The following ITGA7 variants were observed in gnomAD, a reference collection of about 807,000 sequenced individuals.
ITGA7 encodes the protein integrin subunit alpha 7, also known as integrin alpha-7.
In ITGA7, 84 loss-of-function variants were observed where a neutral mutation model predicts 131.6. The observed-to-expected ratio is 0.64, with a 90% CI of 0.54 to 0.77. The LOEUF (loss-of-function observed/expected upper bound fraction) is 0.77, where lower values mean the gene tolerates loss of function less well. ITGA7 is among the 30% of genes least tolerant of loss of function. ITGA7 has a pLI of 0.00. For synonymous variants in ITGA7, 548 were observed against 600.7 expected (o/e 0.91, Z 1.28); for missense variants, 1,399 against 1,482.9 (o/e 0.94, Z 0.93).
chr12:55,697,739 AG>A lies in ITGA7; in HGVS notation c.1364del (p.Pro455LeufsTer51). ...CAGCCAGGGAGCCCACCAGCAGGTC[AG>A]GGTATTGGTTCCCATCCATATCCAA... is the stretch of plus-strand genomic sequence containing the variant. The part of the protein sequence containing the change: ...GSLDMDGNQY[P>X]DLLVGSLADT... On this transcript the variant is annotated frameshift_variant, in exon 9 of 25. Coordinates refer to ENST00000257879, the MANE Select transcript of ITGA7 (RefSeq NM_002206.3). LOFTEE classifies it high-confidence loss of function. 6.2e-7 allele frequency: 1 copy of A among 1,614,162 alleles called. No homozygotes were observed. The highest frequency in any genetic ancestry group is 8.5e-7 in the Non-Finnish European group (1 of 1,180,030).
At chr12:55,686,815 G>C (rs1050516042) in intron 24 of ITGA7, among the ~76,000 whole-genome samples, 1 of 152,200 alleles carries the variant, frequency 6.6e-6, no homozygotes, top group African/African-American at 2.4e-5. Flanking sequence ...TCCGCCATGA[G>C]GGCAGTCCCC....
intron 3 of ITGA7, 36 bp downstream of exon 3, chr12:55,702,836 C>T (rs750768329): frequency 1.3e-6 from 2 of 1,560,084 alleles, no homozygotes; most frequent in South Asian, 2.2e-5. Flanking sequence ...CACACACACC[C>T]CATCCGTGCA....
At position 55,694,682 on chromosome 12, in the gene ITGA7, C is replaced by CA. The variant is rs757677535; in HGVS notation, c.2209dup (p.Cys737LeufsTer5). The CA allele has an allele frequency of 6.2e-7, 1 of 1,614,024 alleles. No individual in the cohort carries two copies. Among genetic ancestry groups the CA allele is most frequent in the African/African-American group, 1.3e-5 (1 of 74,894 alleles). On this transcript the variant is annotated frameshift_variant, in exon 16 of 25. Coordinates refer to ENST00000257879, the MANE Select transcript of ITGA7 (RefSeq NM_002206.3). LOFTEE classifies it high-confidence loss of function. The surrounding 1 kb of genome is among the most constrained non-coding windows in gnomAD (Gnocchi z 5.3). ...ATGGGAGGCATTCTCATTGGACAGG[C>CA]AGAGTGGCTTCTCCTGGAATGGGAG... is the stretch of plus-strand genomic sequence containing the variant.
At position 55,697,025 on chromosome 12, in the gene ITGA7, C is replaced by G; in HGVS notation, c.1611G>C (p.Arg537=). 1 of 1,614,028 alleles carries G rather than the reference C, an allele frequency of 6.2e-7. No homozygotes were observed. Among genetic ancestry groups the G allele is most frequent in the Non-Finnish European group, 8.5e-7 (1 of 1,180,006 alleles). Residue 537 remains arginine, a synonymous_variant, in exon 12 of 25, where the codon CGG becomes CGC. Coordinates refer to ENST00000257879, the MANE Select transcript of ITGA7 (RefSeq NM_002206.3). ...GGAACGTCACACGGGGAACCTGGCC[C>G]CGGAGCCTCCGGTCTGTGTCCGCAT... ...VLDADTDRRL[R]GQVPRVTFLS... is the part of the protein sequence containing the mutation.
Position 55,699,950 on chromosome 12 carries a change from T to G in ITGA7, c.710A>C (p.Asp237Ala), listed in dbSNP as rs908930321. ...GTCCAAAGTTTTATACACCAGCTGG[T>G]CGGGGTCTGAGCTATCAATGTTGGT... ...FVTNIDSSDP[D>A]QLVYKTLDPA... The change falls in exon 5 of 25, where the codon GAC (aspartate) becomes GCC (alanine). Residue 237 changes from aspartate (D) to alanine (A), a missense_variant. Physicochemically the swap from Asp to Ala is moderately radical, Grantham distance 126. Transcript: ENST00000257879. 3 of 1,613,960 alleles carry G rather than the reference T, an allele frequency of 1.9e-6. No individual in the cohort carries two copies. In the East Asian group the frequency reaches 6.7e-5, roughly 36 times the overall value.
chr12:55,712,522 A>G, upstream of ITGA7: 1 of 542,622 alleles, frequency 1.8e-6, no homozygotes, highest in Middle Eastern at 4.7e-4. Context: ...AGAGACCTCA[A>G]AAGAAGAGGG....
Position 55,693,197 on chromosome 12 carries a change from C to A in ITGA7, c.2656G>T (p.Gly886Trp). ...AGCCCTTTCTGCCCAGGCCCCTGCC[C>A]GCCCTCCAGCTCAACCTGCATTGGG... ...LYPMQVELEGGQGPGQKGLCS... is the reference protein window; with the variant it reads ...LYPMQVELEGWQGPGQKGLCS... Residue 886 changes from glycine (G) to tryptophan (W), a missense_variant, in exon 20 of 25, where the codon GGG becomes TGG. By Grantham distance (184) the Gly-to-Trp change is radical. Coordinates refer to ENST00000257879, the MANE Select transcript of ITGA7 (RefSeq NM_002206.3). 6.2e-7 allele frequency: 1 copy of A among 1,614,062 alleles called. No homozygotes were observed. Among genetic ancestry groups the A allele is most frequent in the Non-Finnish European group, 8.5e-7 (1 of 1,180,012 alleles).
At chr12:55,709,752 C>T (rs963549969), upstream of ITGA7, among the ~76,000 whole-genome samples, 4 of 151,052 alleles carry the variant, frequency 2.6e-5, no homozygotes, top group African/African-American at 9.8e-5. Context: ...GCAGCTTCTG[C>T]CTGTCTCCAT....
chr12:55,694,168 G>A lies in ITGA7; in HGVS notation c.2433-45C>T. On this transcript the variant is annotated intron_variant, in intron 18 of 24. Coordinates refer to ENST00000257879, the MANE Select transcript of ITGA7 (RefSeq NM_002206.3). This position sits in a 1 kb window ranked among gnomAD's most constrained non-coding sequence, Gnocchi z 5.3. ...ACAGGGGTGAGAAGGTCTGGGGCCT[G>A]GCTCAATGAAGGCAGGGCCCTGGCC... 1.9e-6 allele frequency: 3 copies of A among 1,610,162 alleles called. No individual in the cohort carries two copies. The highest frequency in any genetic ancestry group is 2.6e-6 in the Non-Finnish European group (3 of 1,176,322).
In ITGA7 at chr12:55,694,859, C is replaced by A. The variant is rs1305253298; in HGVS notation, c.2115G>T (p.Gly705=). ...PSDPAQPQAD[G]DDAHEAQLLV... ...GGAGCTGGGCTTCATGGGCATCATC[C>A]CCATCAGCCTGGGGCTGGGCTGGGT... The change falls in exon 15 of 25, where the codon GGG becomes GGT. Residue 705 remains glycine, a synonymous_variant. Transcript: ENST00000257879. The surrounding 1 kb of genome is among the most constrained non-coding windows in gnomAD (Gnocchi z 5.3). 3 of 1,614,110 alleles carry A rather than the reference C, an allele frequency of 1.9e-6. No individual in the cohort carries two copies. Among genetic ancestry groups the A allele is most frequent in the Non-Finnish European group, 2.5e-6 (3 of 1,180,008 alleles).
intron 24 of ITGA7, among the ~76,000 whole-genome samples, chr12:55,687,025 C>G (rs1870306824): frequency 6.6e-6 from 1 of 152,014 alleles, no homozygotes; most frequent in South Asian, 2.1e-4. Flanking sequence ...GGTTCCAGTG[C>G]TACCTCCTCT....
upstream of ITGA7, among the ~76,000 whole-genome samples, chr12:55,708,933 G>A (rs532485059): frequency 1.1e-4 from 16 of 152,248 alleles, no homozygotes; most frequent in South Asian, 2.7e-3. Flanking sequence ...GGGGTGGGGG[G>A]ACACTTTCCA....
At chr12:55,708,555 AG>A (rs775969742), upstream of ITGA7, among the ~76,000 whole-genome samples, 2 of 151,974 alleles carry the variant, frequency 1.3e-5, no homozygotes, top group Non-Finnish European at 2.9e-5. Context: ...AAATGGAAAA[AG>A]GAAAGGAATA....
At chr12:55,708,048 C>A (rs962657018), upstream of ITGA7, 2 of 1,136,394 alleles carry the variant, frequency 1.8e-6, no homozygotes, top group Non-Finnish European at 2.2e-6. Flanking sequence ...GCCTTGCTGA[C>A]CCCCCACCAC....
At chr12:55,686,740 C>T (rs530746929) in intron 24 of ITGA7, among the ~76,000 whole-genome samples, 40 of 152,326 alleles carry the variant, frequency 2.6e-4, no homozygotes, top group South Asian at 6.2e-4. Flanking sequence ...CAGTATGATT[C>T]GGTATACAGC....
rs114910004 is a variant in ITGA7, at chr12:55,689,276, C to T, written c.2845-319G>A. 0.011 allele frequency among the ~76,000 whole-genome samples: 1,624 copies of T among 152,298 alleles called. 26 individuals are homozygous for T. The highest frequency in any genetic ancestry group is 0.037 in the African/African-American group (1,545 of 41,552). Reference sequence around the variant, plus strand: ...TCAGGCACTTATCTCACTTAAGCTTCGCAATAGTCCTACAAGGTGCACATT... The same window carrying T: ...TCAGGCACTTATCTCACTTAAGCTTTGCAATAGTCCTACAAGGTGCACATT... On this transcript the variant is annotated intron_variant, in intron 21 of 24. Transcript: ENST00000257879.
At position 55,697,005 on chromosome 12, in the gene ITGA7, G is replaced by A. The variant is rs200395702; in HGVS notation, c.1631C>T (p.Thr544Met). ...RRLRGQVPRV[T>M]FLSRNLEEPK... The stretch of plus-strand genomic sequence containing the variant: ...TTCTTCCAGGTTACGGCTCAGGAAC[G>A]TCACACGGGGAACCTGGCCCCGGAG... Residue 544 changes from threonine (T) to methionine (M), a missense_variant, in exon 12 of 25, where the codon ACG becomes ATG. Physicochemically the swap from Thr to Met is moderately conservative, Grantham distance 81 (BLOSUM62 -1). Transcript: ENST00000257879. 4 of 1,614,116 alleles carry A rather than the reference G, an allele frequency of 2.5e-6. No individual in the cohort carries two copies. The highest frequency in any genetic ancestry group is 2.2e-5 in the East Asian group (1 of 44,884).
chr12:55,704,620 A>G (rs774363906), intron 1 of ITGA7, among the ~76,000 whole-genome samples: 2 of 152,230 alleles, frequency 1.3e-5, no homozygotes, highest in Non-Finnish European at 2.9e-5. Context: ...AGTCACATGC[A>G]TTATGTCATT....
chr12:55,691,203 A>G (rs1284337028), intron 21 of ITGA7, among the ~76,000 whole-genome samples: 2 of 152,182 alleles, frequency 1.3e-5, no homozygotes, highest in African/African-American at 4.8e-5. Context: ...AAGCAAAGTA[A>G]GCCAGATTCA....
Sources: gnomAD v4.1 joint callset for allele counts (sites outside exome capture counted in the v4.1 genomes callset) on GRCh38, gnomAD v4.1.1 for gene constraint, Gnocchi (gnomAD v3.1) non-coding constraint, MANE v1.5 for transcripts, NCBI Gene and HGNC (gene_info 2026-07-23, HGNC 2026-07-21) for gene names.